ZFP64: variants seen among roughly 807,000 people sequenced by gnomAD.
The protein encoded by ZFP64 is zinc finger protein 64.
A neutral mutation model predicts 51.6 loss-of-function variants in ZFP64; 14 were observed. The ratio of observed to expected loss-of-function variants is 0.27; its 90% CI spans 0.18 to 0.42. The LOEUF is 0.42. Ranked by LOEUF, ZFP64 falls within the 10% of genes least tolerant of loss-of-function variation. The pLI is 1.00. For synonymous variants in ZFP64, 375 were observed against 361.4 expected (o/e 1.04, Z -0.43); for missense variants, 754 against 906.8 (o/e 0.83, Z 2.16).
Position 52,153,116 on chromosome 20 carries a change from C to G in ZFP64, c.1076G>C (p.Arg359Pro). ...SYSCSSKAALRIHERIHCTDR... is the reference protein window; with the variant it reads ...SYSCSSKAALPIHERIHCTDR... The stretch of plus-strand genomic sequence containing the variant: ...GGTGCAGTGGATACGCTCGTGGATG[C>G]GCAGGGCGGCCTTGCTGGAGCAGGA... The change falls in exon 6 of 6, where the codon CGC becomes CCC. Residue 359 changes from arginine (R) to proline (P), a missense_variant. By Grantham distance (103) the Arg-to-Pro change is moderately radical. This residue lies in a region of ZFP64 where 428 missense variants were observed against 472.4 expected (regional missense o/e 0.91). Coordinates refer to ENST00000216923, the MANE Select transcript of ZFP64 (RefSeq NM_018197.3). This position sits in a 1 kb window ranked among gnomAD's most constrained non-coding sequence, Gnocchi z 5.1. 6.2e-7 allele frequency: 1 copy of G among 1,614,194 alleles called. No individual in the cohort carries two copies. The highest frequency in any genetic ancestry group is 8.5e-7 in the Non-Finnish European group (1 of 1,180,048).
chr20:52,112,082 C>CAAAAAAAA (rs375422075), intron 5 of ZFP64, among the ~76,000 whole-genome samples: 5 of 78,374 alleles, frequency 6.4e-5, no homozygotes, highest in African/African-American at 4.9e-5. Context: ...ACTCTATCTC[C>CAAAAAAAA]AAAAAAAAAA....
At chr20:52,134,901 C>T (rs1979896495) in intron 5 of ZFP64, among the ~76,000 whole-genome samples, 1 of 152,074 alleles carries the variant, frequency 6.6e-6, no homozygotes, top group South Asian at 2.1e-4. Flanking sequence ...CTCACTCTGT[C>T]ACCCAGGTTG....
chr20:52,097,471 T>TG, intron 6 of ZFP64: 1 of 1,185,782 alleles, frequency 8.4e-7, no homozygotes, highest in Non-Finnish European at 1.2e-6. Context: ...TTTTTTTTTT[T>TG]GGAGACAGAG....
chr20:52,097,153 A>T (rs548004030), intron 7 of ZFP64: 1 of 784,822 alleles, frequency 1.3e-6, no homozygotes, highest in African/African-American at 1.7e-5. Context: ...TTATTGCTCT[A>T]AGATGACTAT....
At chr20:52,107,112 A>G (rs1356674941) in intron 5 of ZFP64, among the ~76,000 whole-genome samples, 1 of 77,192 alleles carries the variant, frequency 1.3e-5, no homozygotes, top group African/African-American at 5.4e-5. Context: ...ATATATGTAT[A>G]TATACACACA....
At chr20:52,096,392 C>T (rs530533218) in intron 7 of ZFP64, among the ~76,000 whole-genome samples, 213 of 152,344 alleles carry the variant, frequency 1.4e-3, no homozygotes, top group Non-Finnish European at 2.0e-3. Flanking sequence ...AGAGGCTAAG[C>T]CAAGTGTTCA....
intron 7 of ZFP64, among the ~76,000 whole-genome samples, chr20:52,095,847 T>C (rs1375424055): frequency 6.6e-6 from 1 of 152,224 alleles, no homozygotes; most frequent in Non-Finnish European, 1.5e-5. Context: ...ACCCACTGAA[T>C]GGCAGTAGCC....
chr20:52,107,885 T>G (rs1351824255), intron 5 of ZFP64, among the ~76,000 whole-genome samples: 1 of 152,202 alleles, frequency 6.6e-6, no homozygotes, highest in African/African-American at 2.4e-5. Context: ...GTATAAGAGA[T>G]AATGCCAAAG....
chr20:52,119,537 TATATATATATATATATAC>T (rs1979061244), intron 5 of ZFP64, among the ~76,000 whole-genome samples: 6 of 82,540 alleles, frequency 7.3e-5, no homozygotes, highest in Non-Finnish European at 2.7e-5. Context: ...AAAAAAAATA[TATATATATATATATATAC>T]ATATATATAT....
At chr20:52,118,750 A>C (rs1373452834) in intron 5 of ZFP64, among the ~76,000 whole-genome samples, 2 of 152,262 alleles carry the variant, frequency 1.3e-5, no homozygotes, top group Non-Finnish European at 2.9e-5. Flanking sequence ...CAGTGTGATA[A>C]ATATGTGATA....
In ZFP64 at chr20:52,160,746, A is replaced by C. The variant is rs1331517610; in HGVS notation, c.512-372T>G. Among the ~76,000 whole-genome samples the C allele has an allele frequency of 2.0e-5, 3 of 152,150 alleles. No individual in the cohort carries two copies. Among genetic ancestry groups the C allele is most frequent in the Non-Finnish European group, 4.4e-5 (3 of 68,022 alleles). ...TTTCACAACAGAGATGCACCGTAAA[A>C]TTTAGAATACCTAAGTTTCAGCAGA... On this transcript the variant is annotated intron_variant, in intron 4 of 5. Coordinates refer to ENST00000216923, the MANE Select transcript of ZFP64 (RefSeq NM_018197.3). The surrounding 1 kb of genome is among the most constrained non-coding windows in gnomAD (Gnocchi z 4.2).
chr20:52,122,933 G>T (rs1979264557), intron 5 of ZFP64, among the ~76,000 whole-genome samples: 1 of 152,160 alleles, frequency 6.6e-6, no homozygotes, highest in African/African-American at 2.4e-5. Context: ...TGACAACAAA[G>T]GGTTTAGAAT....
chr20:52,191,648 G>A lies in ZFP64; in HGVS notation c.-12C>T. The A allele has an allele frequency of 6.3e-7, 1 of 1,583,984 alleles. No individual in the cohort carries two copies. The highest frequency in any genetic ancestry group is 8.6e-7 in the Non-Finnish European group (1 of 1,168,350). On this transcript the variant is annotated 5_prime_UTR_variant, in exon 1 of 6. Coordinates refer to ENST00000216923, the MANE Select transcript of ZFP64 (RefSeq NM_018197.3). This position sits in a 1 kb window ranked among gnomAD's most constrained non-coding sequence, Gnocchi z 4.3. ...CTGCTCGCGTTCATGGCCGCAGACT[G>A]GGAGGTCCCCGGCCGGCCGGGATGC...
exon 7 of ZFP64, chr20:52,097,397 C>A (rs770166078): frequency 1.9e-6 from 3 of 1,612,696 alleles, no homozygotes; most frequent in Non-Finnish European, 2.5e-6. Context: ...AGATGGCGGT[C>A]CAAGTCTTTC....
chr20:52,165,555 A>C, intron 3 of ZFP64: 1 of 553,402 alleles, frequency 1.8e-6, no homozygotes, highest in African/African-American at 1.9e-5. Context: ...CAAAGTAAGG[A>C]AAGAAAATTC....
intron 6 of ZFP64, chr20:52,097,503 G>A (rs910248234): frequency 3.8e-5 from 54 of 1,438,938 alleles, no homozygotes; most frequent in Non-Finnish European, 5.1e-5. Flanking sequence ...CGCCCAGGCT[G>A]GAGTGCAGTG....
chr20:52,103,284 T>C (rs144724259), intron 5 of ZFP64, among the ~76,000 whole-genome samples: 681 of 152,290 alleles, frequency 4.5e-3, no homozygotes, highest in Non-Finnish European at 6.4e-3. Context: ...TACTTTCCAT[T>C]TTATTTTCCT....
intron 2 of ZFP64, 120 bp from the exon 3 acceptor site, chr20:52,166,145 G>T (rs1982249882): frequency 1.0e-6 from 1 of 986,978 alleles, no homozygotes; most frequent in Non-Finnish European, 1.4e-6. Context: ...CTCCCTTGCG[G>T]CTTCACAGTG....
intron 5 of ZFP64, among the ~76,000 whole-genome samples, chr20:52,159,157 A>G (rs1365127812): frequency 2.0e-5 from 3 of 152,240 alleles, no homozygotes; most frequent in Admixed American, 1.3e-4. Context: ...GCTGACCTAA[A>G]GTATGTTAGC....
Sources: allele counts gnomAD v4.1 joint callset (sites outside exome capture counted in the v4.1 genomes callset), GRCh38; gene constraint gnomAD v4.1.1; regional missense constraint gnomAD v4.1.1; non-coding constraint Gnocchi (gnomAD v3.1); transcripts MANE v1.5; gene names NCBI Gene and HGNC (gene_info 2026-07-23, HGNC 2026-07-21).